The following NRXN1 variants were observed in gnomAD, a reference collection of about 807,000 sequenced individuals.
The protein encoded by NRXN1 is neurexin 1.
In NRXN1, 39 loss-of-function variants were observed where a neutral mutation model predicts 150.9. That is an observed-to-expected ratio of 0.26 (90% CI 0.20 to 0.34). NRXN1 has a LOEUF of 0.34. Ranked by LOEUF, NRXN1 falls within the 10% of genes least tolerant of loss-of-function variation. NRXN1 has a pLI of 1.00. For synonymous variants in NRXN1, 924 were observed against 757.0 expected (o/e 1.22, Z -3.62); for missense variants, 1,815 against 1,949.9 (o/e 0.93, Z 1.30).
At chr2:50,298,482 T>A (rs780722213) in intron 17 of NRXN1, among the ~76,000 whole-genome samples, 1 of 152,134 alleles carries the variant, frequency 6.6e-6, no homozygotes, top group African/African-American at 2.4e-5. Flanking sequence ...AGGCAAGTAT[T>A]TGAGGCCCCT....
chr2:50,255,693 G>A (rs2067631233), intron 17 of NRXN1, among the ~76,000 whole-genome samples: 1 of 152,044 alleles, frequency 6.6e-6, no homozygotes, highest in Non-Finnish European at 1.5e-5. Flanking sequence ...CCCAGTTCTA[G>A]GGTCATTTTA....
intron 8 of NRXN1, among the ~76,000 whole-genome samples, chr2:50,609,985 A>G (rs1677762331): frequency 6.6e-6 from 1 of 152,154 alleles, no homozygotes; most frequent in East Asian, 1.9e-4. Flanking sequence ...TCGGAATAAG[A>G]GTATTATTTT....
chr2:50,067,847 C>G (rs1308170263), intron 19 of NRXN1, among the ~76,000 whole-genome samples: 7 of 152,186 alleles, frequency 4.6e-5, no homozygotes, highest in African/African-American at 9.6e-5. Flanking sequence ...CCTATCCGCT[C>G]TAATAAAAAC....
intron 17 of NRXN1, among the ~76,000 whole-genome samples, chr2:50,428,012 T>C (rs1020068592): frequency 2.6e-5 from 4 of 152,178 alleles, no homozygotes; most frequent in African/African-American, 9.6e-5. Flanking sequence ...CTCACTTTCA[T>C]TTTCCTCTTC....
intron 5 of NRXN1, among the ~76,000 whole-genome samples, chr2:50,732,397 T>C (rs541476354): frequency 1.3e-5 from 2 of 152,228 alleles, no homozygotes; most frequent in African/African-American, 4.8e-5. Flanking sequence ...CTGAAGTTAG[T>C]GATCAGCTGC....
chr2:49,923,968 A>C (rs1253270230), intron 22 of NRXN1, among the ~76,000 whole-genome samples: 1 of 152,238 alleles, frequency 6.6e-6, no homozygotes, highest in Non-Finnish European at 1.5e-5. Context: ...AAGGAGACAA[A>C]GACTATAATC....
intron 17 of NRXN1, among the ~76,000 whole-genome samples, chr2:50,320,283 C>CTTATACATATATATATAT (rs1178411507): frequency 5.8e-4 from 25 of 43,048 alleles, no homozygotes; most frequent in East Asian, 1.9e-3. Flanking sequence ...ATACCTCAAT[C>CTTATACATATATATATAT]ATATATATAT....
intron 18 of NRXN1, among the ~76,000 whole-genome samples, chr2:50,202,727 G>T (rs2152835081): frequency 6.6e-6 from 1 of 152,166 alleles, no homozygotes; most frequent in Middle Eastern, 3.4e-3. Context: ...AGTATATTAG[G>T]GGAGGCAGAC....
chr2:50,808,747 CT>C (rs1159469420), intron 5 of NRXN1, among the ~76,000 whole-genome samples: 2 of 152,078 alleles, frequency 1.3e-5, no homozygotes, highest in Admixed American at 6.6e-5. Context: ...GGACTTCACA[CT>C]TTTATAACGA....
At position 50,217,541 on chromosome 2, in the gene NRXN1, A is replaced by G. The variant is rs115305482; in HGVS notation, c.3546+19248T>C. Among the ~76,000 whole-genome samples, 1,142 of 152,124 alleles carry G rather than the reference A, an allele frequency of 7.5e-3. 14 individuals carry two copies. Among genetic ancestry groups the G allele is most frequent in the African/African-American group, 0.026 (1,083 of 41,548 alleles). ...AGGTATGTAGTTTTTTTTAAACCCTATAAGTAGGGGTTCAACTTTCAATTT... is the reference window on the plus strand; with the variant it reads ...AGGTATGTAGTTTTTTTTAAACCCTGTAAGTAGGGGTTCAACTTTCAATTT... On this transcript the variant is annotated intron_variant, in intron 18 of 22. Coordinates refer to ENST00000401669, the MANE Select transcript of NRXN1 (RefSeq NM_001330078.2).
At chr2:50,817,367 C>A (rs1669082571) in intron 5 of NRXN1, among the ~76,000 whole-genome samples, 1 of 151,776 alleles carries the variant, frequency 6.6e-6, no homozygotes, top group Non-Finnish European at 1.5e-5. Context: ...TAATTAAAAG[C>A]CTCCCAAAAA....
intron 21 of NRXN1, among the ~76,000 whole-genome samples, chr2:49,957,488 C>T (rs183652566): frequency 4.3e-4 from 65 of 152,212 alleles, no homozygotes; most frequent in African/African-American, 1.4e-3. Flanking sequence ...GACAAACACA[C>T]CCTTCACAGA....
At chr2:50,543,424 A>G (rs966008433) in intron 9 of NRXN1, among the ~76,000 whole-genome samples, 5 of 152,148 alleles carry the variant, frequency 3.3e-5, no homozygotes, top group Non-Finnish European at 7.4e-5. Context: ...TGAGATCGCA[A>G]CTAAAAATAA....
chr2:50,736,055 G>A (rs1698702411), intron 5 of NRXN1, among the ~76,000 whole-genome samples: 1 of 151,970 alleles, frequency 6.6e-6, no homozygotes, highest in South Asian at 2.1e-4. Context: ...TCTTTAATAT[G>A]ACCAAAAAGT....
At chr2:50,323,134 G>C (rs1395984379) in intron 17 of NRXN1, among the ~76,000 whole-genome samples, 1 of 152,144 alleles carries the variant, frequency 6.6e-6, no homozygotes, top group Admixed American at 6.6e-5. Context: ...GGGGTCAACT[G>C]TACCCTATAT....
intron 17 of NRXN1, among the ~76,000 whole-genome samples, chr2:50,274,304 C>A (rs931476854): frequency 6.6e-6 from 1 of 152,086 alleles, no homozygotes; most frequent in African/African-American, 2.4e-5. Flanking sequence ...GAACAGGAAA[C>A]CAAACACTGC....
chr2:50,093,911 T>C (rs950472896), intron 18 of NRXN1, among the ~76,000 whole-genome samples: 3 of 152,186 alleles, frequency 2.0e-5, no homozygotes, highest in Admixed American at 6.5e-5. Context: ...CCTTAATCAT[T>C]ACACCAGGCT....
intron 8 of NRXN1, among the ~76,000 whole-genome samples, chr2:50,606,382 A>G (rs1171240214): frequency 3.3e-5 from 5 of 151,904 alleles, no homozygotes; most frequent in Non-Finnish European, 7.4e-5. Flanking sequence ...TACAAGAAAT[A>G]TCTAAAACAG....
intron 17 of NRXN1, among the ~76,000 whole-genome samples, chr2:50,353,221 C>T (rs898352438): frequency 1.3e-5 from 2 of 152,100 alleles, no homozygotes; most frequent in Non-Finnish European, 2.9e-5. Context: ...TGTTTGGTGG[C>T]TTGCATACAA....
Sources: gnomAD v4.1 joint callset for allele counts (sites outside exome capture counted in the v4.1 genomes callset) on GRCh38, gnomAD v4.1.1 for gene constraint, MANE v1.5 for transcripts, NCBI Gene and HGNC (gene_info 2026-07-23, HGNC 2026-07-21) for gene names.